Variants in CSNK2A2IP observed in about 807,000 individuals in gnomAD.
CSNK2A2IP encodes the protein casein kinase II subunit alpha'-interacting protein.
chr3:88,464,632 C>A, the CSNK2A2IP span, among the ~76,000 whole-genome samples: 2 of 151,868 alleles, frequency 1.3e-5, no homozygotes, highest in African/African-American at 4.8e-5. Context: ...TGGAAGTAAA[C>A]TAAAAGATGA....
At chr3:88,406,979 GA>G in the CSNK2A2IP span, among the ~76,000 whole-genome samples, 3 of 152,106 alleles carry the variant, frequency 2.0e-5, no homozygotes, top group African/African-American at 4.8e-5. Context: ...TCTGGCTTAG[GA>G]AAATTGCCCA....
the CSNK2A2IP span, among the ~76,000 whole-genome samples, chr3:88,435,629 T>C: frequency 6.6e-6 from 1 of 152,152 alleles, no homozygotes. Flanking sequence ...AAATATTTCC[T>C]CTTTTCTATT....
At chr3:88,413,569 C>T in the CSNK2A2IP span, among the ~76,000 whole-genome samples, 1 of 151,872 alleles carries the variant, frequency 6.6e-6, no homozygotes, top group East Asian at 1.9e-4. Context: ...TTTAGAAGTA[C>T]ATTCACGCCT....
the CSNK2A2IP span, among the ~76,000 whole-genome samples, chr3:88,361,014 A>G: frequency 6.6e-6 from 1 of 151,616 alleles, no homozygotes; most frequent in Non-Finnish European, 1.5e-5. Flanking sequence ...TCCCCACTCC[A>G]CTTTTTGATA....
At chr3:88,453,458 A>G in the CSNK2A2IP span, among the ~76,000 whole-genome samples, 2 of 152,150 alleles carry the variant, frequency 1.3e-5, no homozygotes, top group African/African-American at 4.8e-5. Context: ...TGTACATACA[A>G]CAAGAATATT....
the CSNK2A2IP span, among the ~76,000 whole-genome samples, chr3:88,373,479 A>T: frequency 6.6e-6 from 1 of 151,376 alleles, no homozygotes; most frequent in South Asian, 2.1e-4. Context: ...GGGATATAAT[A>T]AAGTGGTGTT....
chr3:88,465,728 A>G, the CSNK2A2IP span: 1 of 1,231,610 alleles, frequency 8.1e-7, no homozygotes, highest in Non-Finnish European at 1.0e-6. Context: ...CATTTGTTGC[A>G]CTCCAAAGCT....
the CSNK2A2IP span, among the ~76,000 whole-genome samples, chr3:88,373,769 AAC>A: frequency 6.6e-6 from 1 of 151,424 alleles, no homozygotes; most frequent in Non-Finnish European, 1.5e-5. Flanking sequence ...AAAATAAGAA[AAC>A]ACAGATTACC....
chr3:88,338,917 T>A, the CSNK2A2IP span, among the ~76,000 whole-genome samples: 1 of 152,126 alleles, frequency 6.6e-6, no homozygotes, highest in Non-Finnish European at 1.5e-5. Flanking sequence ...ATTTAATTTT[T>A]AAAATTTATT....
the CSNK2A2IP span, among the ~76,000 whole-genome samples, chr3:88,354,126 T>C: frequency 1.3e-5 from 2 of 152,206 alleles, no homozygotes; most frequent in African/African-American, 2.4e-5. Context: ...GGAAGTTTCC[T>C]GAGGCCCTCA....
At chr3:88,420,346 A>G in the CSNK2A2IP span, among the ~76,000 whole-genome samples, 9 of 152,286 alleles carry the variant, frequency 5.9e-5, no homozygotes, top group South Asian at 1.9e-3. Flanking sequence ...TCTGGCTAGT[A>G]CTTGCCAGTA....
At chr3:88,446,030 TTTTCTTTC>T in the CSNK2A2IP span, among the ~76,000 whole-genome samples, 8,062 of 57,602 alleles carry the variant, frequency 0.14, 525 homozygotes, top group African/African-American at 0.16. Flanking sequence ...TCTTTGTTTC[TTTTCTTTC>T]TTTCTTTCTT....
At chr3:88,358,036 T>C in the CSNK2A2IP span, among the ~76,000 whole-genome samples, 2 of 152,136 alleles carry the variant, frequency 1.3e-5, no homozygotes, top group African/African-American at 2.4e-5. Context: ...ATAATTTTCA[T>C]TGTAGAGATT....
the CSNK2A2IP span, among the ~76,000 whole-genome samples, chr3:88,440,561 T>C: frequency 6.6e-6 from 1 of 152,218 alleles, no homozygotes; most frequent in Non-Finnish European, 1.5e-5. Context: ...TTAAATGTTT[T>C]AAAACTTTTT....
the CSNK2A2IP span, among the ~76,000 whole-genome samples, chr3:88,464,547 C>T: frequency 3.3e-5 from 5 of 151,732 alleles, no homozygotes. Flanking sequence ...GAAATAGGAG[C>T]TTTAAAAGGG....
chr3:88,445,354 G>A, the CSNK2A2IP span, among the ~76,000 whole-genome samples: 2 of 150,752 alleles, frequency 1.3e-5, no homozygotes, highest in Non-Finnish European at 2.9e-5. Context: ...GGAGACGAAG[G>A]CAGGAGAATT....
chr3:88,421,169 A>C, the CSNK2A2IP span, among the ~76,000 whole-genome samples: 2 of 152,108 alleles, frequency 1.3e-5, no homozygotes, highest in African/African-American at 4.8e-5. Flanking sequence ...TCCAAACTTT[A>C]TTTCTCTATA....
At chr3:88,400,742 G>A in the CSNK2A2IP span, among the ~76,000 whole-genome samples, 8 of 152,146 alleles carry the variant, frequency 5.3e-5, no homozygotes, top group African/African-American at 1.9e-4. Context: ...GTTGATTTTA[G>A]CCCAGTGAAA....
chr3:88,396,084 T>G, the CSNK2A2IP span, among the ~76,000 whole-genome samples: 27 of 149,086 alleles, frequency 1.8e-4, no homozygotes, highest in African/African-American at 6.6e-4. Flanking sequence ...TTAAGTGCAA[T>G]AAAAGAGGAC....
Sources: allele counts gnomAD v4.1 joint callset (sites outside exome capture counted in the v4.1 genomes callset), GRCh38; gene constraint gnomAD v4.1.1; transcripts MANE v1.5; gene names NCBI Gene and HGNC (gene_info 2026-07-23, HGNC 2026-07-21).